Variants in NIPSNAP1 observed in about 807,000 individuals in gnomAD.
The protein encoded by NIPSNAP1 is nipsnap homolog 1.
A neutral mutation model predicts 49.2 loss-of-function variants in NIPSNAP1; 25 were observed. The ratio of observed to expected loss-of-function variants is 0.51; its 90% CI spans 0.37 to 0.71. The LOEUF (loss-of-function observed/expected upper bound fraction) is 0.71, where lower values mean the gene tolerates loss of function less well. Ranked by LOEUF, NIPSNAP1 falls within the 30% of genes least tolerant of loss-of-function variation. The probability of loss-of-function intolerance (pLI) is 0.00; values close to 1 mark genes in which losing one functional copy is unlikely to be tolerated. For missense variants in NIPSNAP1, 294 were observed against 361.0 expected (o/e 0.81, Z 1.50); for synonymous variants, 143 against 140.7 (o/e 1.02, Z -0.12).
intron 7 of NIPSNAP1, 147 bp from the exon 8 acceptor site, chr22:29,560,975 T>C: frequency 1.1e-6 from 1 of 904,344 alleles, no homozygotes; most frequent in African/African-American, 1.6e-5. Context: ...TGGCGGGGTG[T>C]TCTACCAACG....
intron 9 of NIPSNAP1, among the ~76,000 whole-genome samples, chr22:29,558,474 TAAATA>T (rs1158450364): frequency 1.3e-5 from 2 of 151,726 alleles, no homozygotes; most frequent in East Asian, 3.9e-4. Context: ...GTCTCAAAAA[TAAATA>T]AAATAAAATA....
chr22:29,556,323 G>A lies in NIPSNAP1; in HGVS notation c.791-324C>T, dbSNP rs190160716. 3.3e-3 allele frequency among the ~76,000 whole-genome samples: 495 copies of A among 152,210 alleles called. 2 individuals are homozygous for A. Among genetic ancestry groups the A allele is most frequent in the African/African-American group, 0.011 (476 of 41,532 alleles). On this transcript the variant is annotated intron_variant, in intron 9 of 9. Coordinates refer to ENST00000216121, the MANE Select transcript of NIPSNAP1 (RefSeq NM_003634.4). ...GCGGATCACCTGAGGTCAGGAGTTC[G>A]AGACTAGCCTGACCAACATGGAGAA...
Position 29,581,084 on chromosome 22 carries a change from T to C in NIPSNAP1, c.-2A>G, listed in dbSNP as rs1359156308. 1.9e-6 allele frequency: 3 copies of C among 1,541,324 alleles called. No individual in the cohort carries two copies. The highest frequency in any genetic ancestry group is 2.0e-5 in the Admixed American group (1 of 50,922). On this transcript the variant is annotated 5_prime_UTR_variant, in exon 1 of 10. Transcript: ENST00000216121. The stretch of plus-strand genomic sequence containing the variant: ...GATGCTGCACAGCCGCGGAGCCATG[T>C]TGGAGCCGCAAAGGTTGCAGGAAGG...
In NIPSNAP1 at chr22:29,568,418, G is replaced by A. The variant is rs186217888; in HGVS notation, c.367+775C>T. On this transcript the variant is annotated intron_variant, in intron 4 of 9. Transcript: ENST00000216121. ...GAATATCTTCAACTCAGGAGGTGGA[G>A]GTTGCAGTCAGCCAAGACTGTGCCA... Among the ~76,000 whole-genome samples the A allele has an allele frequency of 3.7e-3, 561 of 151,354 alleles. 1 individual carries two copies. The highest frequency in any genetic ancestry group is 6.6e-3 in the Non-Finnish European group (448 of 67,912).
intron 8 of NIPSNAP1, among the ~76,000 whole-genome samples, 193 bp downstream of exon 8, chr22:29,560,541 C>T (rs1330182386): frequency 6.6e-6 from 1 of 152,174 alleles, no homozygotes; most frequent in Non-Finnish European, 1.5e-5. Flanking sequence ...CCACCGCTCC[C>T]AGACTCCTTG....
chr22:29,574,779 CAAAAA>C (rs56971788), intron 1 of NIPSNAP1, among the ~76,000 whole-genome samples: 2 of 102,720 alleles, frequency 1.9e-5, no homozygotes. Flanking sequence ...AACTCTGTCT[CAAAAA>C]AAAAAAAAAA....
intron 1 of NIPSNAP1, among the ~76,000 whole-genome samples, chr22:29,572,302 C>CAAA (rs695769): frequency 2.8e-5 from 2 of 71,058 alleles, no homozygotes; most frequent in South Asian, 4.4e-4. Flanking sequence ...GAATCCATCT[C>CAAA]AAAAAAAAAA....
In NIPSNAP1 at chr22:29,570,300, A is replaced by G. The variant is rs2064398575; in HGVS notation, c.227-93T>C. ...GGAGCCCATCAAGGCCAGGGGTCCC[A>G]GGACAGCTGAGGACATTCCAGACCC... is the stretch of plus-strand genomic sequence containing the variant. On this transcript the variant is annotated intron_variant, in intron 2 of 9. Transcript: ENST00000216121. 23 of 1,600,490 alleles carry G rather than the reference A, an allele frequency of 1.4e-5. No individual in the cohort carries two copies. In the South Asian group the frequency reaches 1.7e-4, roughly 11 times the overall value.
intron 1 of NIPSNAP1, among the ~76,000 whole-genome samples, chr22:29,572,806 T>TAAAAAA (rs695508): frequency 6.6e-6 from 1 of 150,486 alleles, no homozygotes. Context: ...CTCAAAAAAA[T>TAAAAAA]AAAATAAAAT....
intron 1 of NIPSNAP1, among the ~76,000 whole-genome samples, chr22:29,577,704 G>A (rs758802574): frequency 4.7e-5 from 7 of 149,912 alleles, no homozygotes; most frequent in Admixed American, 6.6e-5. Context: ...GTGAGCCAAC[G>A]CACCCGGCAT....
At chr22:29,576,696 C>T (rs1290335262) in intron 1 of NIPSNAP1, among the ~76,000 whole-genome samples, 2 of 151,362 alleles carry the variant, frequency 1.3e-5, no homozygotes, top group Non-Finnish European at 2.9e-5. Context: ...GAAGCCGAGG[C>T]GGGTGGATCA....
At chr22:29,561,082 C>A in intron 7 of NIPSNAP1, 89 bp downstream of exon 7, 1 of 1,246,708 alleles carries the variant, frequency 8.0e-7, no homozygotes, top group Non-Finnish European at 1.2e-6. Flanking sequence ...TGTGATATGG[C>A]CCTGGAAAAG....
intron 8 of NIPSNAP1, among the ~76,000 whole-genome samples, chr22:29,560,240 C>CT (rs202147566): frequency 0.013 from 1,428 of 108,226 alleles, 21 homozygotes; most frequent in Non-Finnish European, 0.015. Flanking sequence ...TCTCTCCCTG[C>CT]CTTTTTTTTT....
At chr22:29,564,532 G>A (rs2064356845) in intron 4 of NIPSNAP1, among the ~76,000 whole-genome samples, 1 of 152,174 alleles carries the variant, frequency 6.6e-6, no homozygotes, top group Admixed American at 6.5e-5. Flanking sequence ...TCCTGCCTAT[G>A]CCTCCCAAGT....
At position 29,561,205 on chromosome 22, in the gene NIPSNAP1, G is replaced by A. The variant is rs200152347; in HGVS notation, c.580-3C>T. The stretch of plus-strand genomic sequence containing the variant: ...CCCCACTCGATCATGGTTCCTGGCT[G>A]AAAGAGAACCAAAGGGATGATGGGA... On this transcript the variant is annotated splice_region_variant and splice_polypyrimidine_tract_variant and intron_variant, in intron 6 of 9. Transcript: ENST00000216121. 1.2e-6 allele frequency: 2 copies of A among 1,613,316 alleles called. No homozygotes were observed. Among genetic ancestry groups the A allele is most frequent in the East Asian group, 2.2e-5 (1 of 44,870 alleles).
chr22:29,561,394 G>T, intron 6 of NIPSNAP1, 112 bp downstream of exon 6: 1 of 1,517,202 alleles, frequency 6.6e-7, no homozygotes, highest in Non-Finnish European at 9.1e-7. Context: ...TCTGCTCTGA[G>T]CCCATAGGGA....
chr22:29,572,241 T>G (rs2064413576), intron 1 of NIPSNAP1, among the ~76,000 whole-genome samples: 1 of 139,848 alleles, frequency 7.2e-6, no homozygotes, highest in African/African-American at 2.7e-5. Flanking sequence ...AGGCAGAGGT[T>G]GCAGTGAGCC....
intron 3 of NIPSNAP1, 195 bp downstream of exon 3, chr22:29,569,967 C>T (rs1021891699): frequency 4.8e-5 from 29 of 607,460 alleles, no homozygotes; most frequent in Middle Eastern, 7.5e-4. Flanking sequence ...CCAGCCTGGG[C>T]AACGAGAGCA....
intron 1 of NIPSNAP1, among the ~76,000 whole-genome samples, chr22:29,573,295 A>G (rs1487208657): frequency 6.6e-6 from 1 of 152,052 alleles, no homozygotes; most frequent in Non-Finnish European, 1.5e-5. Flanking sequence ...TCGGCCTCTC[A>G]AAGTGCTAGG....
Sources: allele counts gnomAD v4.1 joint callset (sites outside exome capture counted in the v4.1 genomes callset), GRCh38; gene constraint gnomAD v4.1.1; transcripts MANE v1.5; gene names NCBI Gene and HGNC (gene_info 2026-07-23, HGNC 2026-07-21).